GABBR2: variants seen among roughly 807,000 people sequenced by gnomAD.
The protein encoded by GABBR2 is G-protein coupled receptor 51.
Under a neutral mutation model 105.6 loss-of-function variants are expected in GABBR2, and 23 were observed. The observed-to-expected ratio is 0.22, with a 90% CI of 0.16 to 0.31. GABBR2 has a LOEUF of 0.31. GABBR2 is among the 10% of genes least tolerant of loss of function. GABBR2 has a pLI of 1.00. For missense variants in GABBR2, 734 were observed against 1,245.5 expected (o/e 0.59, Z 6.18); for synonymous variants, 478 against 499.7 (o/e 0.96, Z 0.58).
rs1331980631 is a variant in GABBR2, at chr9:98,290,265, T to TC, written c.*318_*319insG. On this transcript the variant is annotated 3_prime_UTR_variant, in exon 19 of 19. Coordinates refer to ENST00000259455, the MANE Select transcript of GABBR2 (RefSeq NM_005458.8). Reference sequence around the variant, plus strand: ...TAGTGCCTCTCTCCTTGTCTAGTTTTTTTGTTTTTTTTTTTTTTTTTTTTT... The same window carrying TC: ...TAGTGCCTCTCTCCTTGTCTAGTTTTCTTTGTTTTTTTTTTTTTTTTTTTTT... The TC allele has an allele frequency of 6.8e-6, 1 of 147,734 alleles. No individual in the cohort carries two copies. The highest frequency in any genetic ancestry group is 3.9e-5 in the African/African-American group (1 of 25,870). 9.2% of individuals were successfully genotyped at this position (147,734 alleles called of 1,614,324 possible).
intron 3 of GABBR2, among the ~76,000 whole-genome samples, chr9:98,500,495 A>G (rs554461649): frequency 1.8e-3 from 279 of 152,342 alleles, no homozygotes; most frequent in African/African-American, 6.5e-3. Context: ...GCTGCTGGAA[A>G]GGAGGTAAGG....
At chr9:98,537,241 A>G (rs1828199072) in intron 3 of GABBR2, among the ~76,000 whole-genome samples, 1 of 152,254 alleles carries the variant, frequency 6.6e-6, no homozygotes, top group Admixed American at 6.5e-5. Context: ...GCCACATGCC[A>G]CAGCATGATG....
intron 6 of GABBR2, among the ~76,000 whole-genome samples, chr9:98,466,088 C>T (rs1405259185): frequency 6.6e-6 from 1 of 152,220 alleles, no homozygotes; most frequent in African/African-American, 2.4e-5. Context: ...TCCGCTTTGC[C>T]TTCTGCCATG....
intron 1 of GABBR2, among the ~76,000 whole-genome samples, chr9:98,617,028 T>A (rs913257245): frequency 5.9e-5 from 9 of 152,344 alleles, no homozygotes; most frequent in Middle Eastern, 3.4e-3. Context: ...GTACTGCATG[T>A]CAGTTCTAAC....
rs566162070 is a variant in GABBR2, at chr9:98,500,085, C to A, written c.631-3571G>T. ...AACAGCAACAACAAACAGACGAAAA[C>A]AAAAAAAACTGGAGCCAATATCTTG... On this transcript the variant is annotated intron_variant, in intron 3 of 18. Coordinates refer to ENST00000259455, the MANE Select transcript of GABBR2 (RefSeq NM_005458.8). 2.6e-3 allele frequency among the ~76,000 whole-genome samples: 399 copies of A among 151,854 alleles called. 1 individual carries two copies. The highest frequency in any genetic ancestry group is 0.017 in the Middle Eastern group (5 of 294).
At chr9:98,610,322 G>T (rs1014407197) in intron 1 of GABBR2, among the ~76,000 whole-genome samples, 1 of 152,216 alleles carries the variant, frequency 6.6e-6, no homozygotes, top group Non-Finnish European at 1.5e-5. Context: ...GAGCAGTCAG[G>T]ACACAGAGCC....
intron 11 of GABBR2, among the ~76,000 whole-genome samples, chr9:98,380,574 G>A (rs1028818442): frequency 3.9e-5 from 6 of 152,198 alleles, no homozygotes; most frequent in Admixed American, 6.5e-5. Flanking sequence ...ACAGCTCCAC[G>A]TCCACAGGGG....
At chr9:98,389,135 G>C in intron 9 of GABBR2, 131 bp from the exon 10 acceptor site, 1 of 703,946 alleles carries the variant, frequency 1.4e-6, no homozygotes, top group East Asian at 2.6e-5. Flanking sequence ...CTATCTACCG[G>C]GTGAGCCAGA....
intron 6 of GABBR2, among the ~76,000 whole-genome samples, chr9:98,466,085 T>C (rs1347176630): frequency 3.9e-5 from 6 of 152,220 alleles, no homozygotes; most frequent in Non-Finnish European, 8.8e-5. Context: ...GCTTCCGCTT[T>C]GCCTTCTGCC....
In GABBR2 at chr9:98,577,983, G is replaced by T; in HGVS notation, c.411C>A (p.Ser137=). 6.2e-7 allele frequency: 1 copy of T among 1,613,968 alleles called. No individual in the cohort carries two copies. Among genetic ancestry groups the T allele is most frequent in the Non-Finnish European group, 8.5e-7 (1 of 1,179,830 alleles). The change falls in exon 2 of 19, where the codon TCC becomes TCA. Residue 137 remains serine (S), a synonymous_variant. Transcript: ENST00000259455. ...GGGACTCTGCAATGATGGATGTGAC[G>T]GATGGACAGACGCCTCCAAACACCA... ...HLMVFGGVCP[S]VTSIIAESLQ...
At chr9:98,536,690 G>A (rs951539678) in intron 3 of GABBR2, among the ~76,000 whole-genome samples, 4 of 152,048 alleles carry the variant, frequency 2.6e-5, no homozygotes, top group Non-Finnish European at 5.9e-5. Context: ...CTGGACTCTC[G>A]GTACTTATGC....
intron 13 of GABBR2, among the ~76,000 whole-genome samples, chr9:98,341,296 G>A (rs1361041395): frequency 6.6e-6 from 1 of 152,218 alleles, no homozygotes; most frequent in Non-Finnish European, 1.5e-5. Context: ...GCCGAGGCTG[G>A]GCCAGGATCC....
chr9:98,374,409 T>C (rs1170923985), intron 11 of GABBR2, among the ~76,000 whole-genome samples: 3 of 152,210 alleles, frequency 2.0e-5, no homozygotes, highest in South Asian at 2.1e-4. Context: ...GAGACTGTTA[T>C]CTTTAGAAAG....
chr9:98,648,119 A>G (rs867776792), intron 1 of GABBR2, among the ~76,000 whole-genome samples: 3 of 35,482 alleles, frequency 8.5e-5, no homozygotes, highest in Non-Finnish European at 6.3e-5. Flanking sequence ...GTGTGTGTAT[A>G]GATAGATAGA....
chr9:98,510,510 T>C (rs1197135733), intron 3 of GABBR2, among the ~76,000 whole-genome samples: 4 of 152,164 alleles, frequency 2.6e-5, no homozygotes, highest in African/African-American at 9.7e-5. Context: ...ATCAGTGTGC[T>C]GTATTCAGGA....
chr9:98,330,689 GT>G (rs371279849), intron 13 of GABBR2, among the ~76,000 whole-genome samples: 25 of 152,182 alleles, frequency 1.6e-4, no homozygotes, highest in Non-Finnish European at 2.9e-4. Context: ...TGCTTTCACT[GT>G]TTCTTTACCT....
intron 3 of GABBR2, among the ~76,000 whole-genome samples, chr9:98,498,763 A>G (rs901919120): frequency 6.6e-6 from 1 of 151,142 alleles, no homozygotes; most frequent in African/African-American, 2.4e-5. Context: ...TAACTAGTCA[A>G]TGGGGGGAAA....
At chr9:98,552,124 C>T (rs1007156297) in intron 2 of GABBR2, 1 of 152,162 alleles carries the variant, frequency 6.6e-6, no homozygotes, top group Non-Finnish European at 1.5e-5. Flanking sequence ...GAATTCTTGC[C>T]TAAATGCAAT....
chr9:98,318,412 C>T (rs542208315), intron 13 of GABBR2, among the ~76,000 whole-genome samples: 232 of 152,294 alleles, frequency 1.5e-3, no homozygotes, highest in African/African-American at 5.5e-3. Flanking sequence ...GATGACTTAG[C>T]GCAAGGCCAG....
Sources: gnomAD v4.1 joint callset for allele counts (sites outside exome capture counted in the v4.1 genomes callset) on GRCh38, gnomAD v4.1.1 for gene constraint, MANE v1.5 for transcripts, NCBI Gene and HGNC (gene_info 2026-07-23, HGNC 2026-07-21) for gene names.